The following ZC3H12B variants were observed in gnomAD, a reference collection of about 807,000 sequenced individuals.
ZC3H12B encodes probable ribonuclease ZC3H12B.
A neutral mutation model predicts 43.9 loss-of-function variants in ZC3H12B; 7 were observed. The observed-to-expected ratio is 0.16, with a 90% confidence interval of 0.09 to 0.30. The LOEUF is 0.30. Among genes scored for constraint, ZC3H12B ranks in the 10% least tolerant of loss-of-function variants. The probability of loss-of-function intolerance (pLI) is 1.00; values close to 1 mark genes in which losing one functional copy is unlikely to be tolerated. For synonymous variants in ZC3H12B, 222 were observed against 241.7 expected, an observed-to-expected ratio of 0.92 and a Z score of 0.76; for missense variants, 475 against 670.2, an observed-to-expected ratio of 0.71 and a Z score of 3.22.
upstream of ZC3H12B, chrX:65,488,706 C>T (rs182360477): frequency 1.8e-4 from 183 of 1,039,337 alleles, no homozygotes; most frequent in Admixed American, 2.3e-4. Flanking sequence ...ATCGCTACCA[C>T]GACATTTTAC....
chrX:65,449,363 A>C (rs1401222845), intron 3 of ZC3H12B, among the ~76,000 whole-genome samples: 1 of 111,907 alleles, frequency 8.9e-6, no homozygotes, highest in East Asian at 2.8e-4. Flanking sequence ...TCACGCCTGT[A>C]ATCCTAGCAC....
At chrX:65,103,341 C>T in the ZC3H12B span, among the ~76,000 whole-genome samples, 3 of 112,078 alleles carry the variant, frequency 2.7e-5, no homozygotes, top group Non-Finnish European at 3.8e-5. Flanking sequence ...GGCTCTCAGG[C>T]AGTCAGACCT....
chrX:65,342,101 C>G, the ZC3H12B span, among the ~76,000 whole-genome samples: 24 of 111,253 alleles, frequency 2.2e-4, no homozygotes, highest in African/African-American at 6.2e-4. Context: ...CAGAAAAAAA[C>G]AGGAGTTGCA....
chrX:65,503,943 C>T (rs1266078433), exon 5 of ZC3H12B: 2 of 111,982 alleles, frequency 1.8e-5, no homozygotes, highest in Non-Finnish European at 3.8e-5. Context: ...GTCACATATT[C>T]TATATTACAA....
At chrX:65,202,073 TTAC>T in the ZC3H12B span, among the ~76,000 whole-genome samples, 1 of 89,400 alleles carries the variant, frequency 1.1e-5, no homozygotes, top group Admixed American at 1.5e-4. Context: ...AATATATATA[TTAC>T]ATATAATATA....
the ZC3H12B span, among the ~76,000 whole-genome samples, chrX:65,125,322 G>A: frequency 9.0e-6 from 1 of 111,517 alleles, no homozygotes; most frequent in Non-Finnish European, 1.9e-5. Flanking sequence ...TTTTGGAGTT[G>A]ATTTTCAATT....
chrX:65,131,805 G>A, the ZC3H12B span, among the ~76,000 whole-genome samples: 71 of 111,718 alleles, frequency 6.4e-4, no homozygotes, highest in Non-Finnish European at 6.6e-4. Flanking sequence ...AACGGATGGA[G>A]AAGAAATTTG....
the ZC3H12B span, among the ~76,000 whole-genome samples, chrX:65,260,237 G>A: frequency 6.8e-4 from 75 of 110,468 alleles, no homozygotes; most frequent in African/African-American, 2.4e-3. Flanking sequence ...AAATTTTTAA[G>A]CAGTAGCATT....
chrX:65,372,722 T>A (rs1314889143), intron 2 of ZC3H12B, among the ~76,000 whole-genome samples: 3 of 112,117 alleles, frequency 2.7e-5, no homozygotes, highest in Non-Finnish European at 3.8e-5. Context: ...GTAAGGATTG[T>A]TATCCACATT....
chrX:65,096,451 G>A, the ZC3H12B span, among the ~76,000 whole-genome samples: 3 of 111,999 alleles, frequency 2.7e-5, no homozygotes, highest in Non-Finnish European at 3.8e-5. Context: ...GAATAGATTA[G>A]TAATGTAAGC....
chrX:65,358,173 A>G, the ZC3H12B span, among the ~76,000 whole-genome samples: 1 of 111,687 alleles, frequency 9.0e-6, no homozygotes, highest in Non-Finnish European at 1.9e-5. Flanking sequence ...TGCACCCAAT[A>G]CAAGAGTACC....
chrX:65,134,497 T>C, the ZC3H12B span, among the ~76,000 whole-genome samples: 2 of 111,077 alleles, frequency 1.8e-5, no homozygotes, highest in African/African-American at 6.6e-5. Context: ...GACAGGGAGA[T>C]TGAAGGGTAG....
the ZC3H12B span, among the ~76,000 whole-genome samples, chrX:65,171,801 A>G: frequency 2.7e-5 from 3 of 111,291 alleles, no homozygotes; most frequent in Non-Finnish European, 3.8e-5. Context: ...CTGCTGTGCT[A>G]GCAACGAGTG....
At chrX:65,190,878 G>C in the ZC3H12B span, among the ~76,000 whole-genome samples, 1 of 105,945 alleles carries the variant, frequency 9.4e-6, no homozygotes, top group Non-Finnish European at 1.9e-5. Flanking sequence ...TCTTGTGCCA[G>C]TTTTCAAAGG....
Position 65,507,012 on chromosome X carries a change from T to C in ZC3H12B, c.*3803T>C, listed in dbSNP as rs1203432263. 4.5e-5 allele frequency: 5 copies of C among 111,538 alleles called. No individual in the cohort carries two copies. In the Admixed American group the frequency reaches 4.8e-4, roughly 11 times the overall value. 9.2% of individuals were successfully genotyped at this position (111,538 alleles called of 1,213,427 possible). ...TTTCCAGGAGAATACTTCTCTAAAA[T>C]TCATTTTTTTCTATTTTGGAATAAA... On this transcript the variant is annotated 3_prime_UTR_variant, in exon 5 of 5. Transcript: ENST00000338957.
At chrX:65,331,687 G>T in the ZC3H12B span, among the ~76,000 whole-genome samples, 4 of 110,629 alleles carry the variant, frequency 3.6e-5, no homozygotes, top group African/African-American at 1.3e-4. Flanking sequence ...TTCAACTGAA[G>T]ATATTTATTA....
chrX:65,499,045 C>T (rs2068329288), exon 3 of ZC3H12B: 2 of 1,209,314 alleles, frequency 1.7e-6, no homozygotes, highest in South Asian at 1.8e-5. Context: ...TTCTTGTCTT[C>T]ACACCATCCC....
the ZC3H12B span, among the ~76,000 whole-genome samples, chrX:65,066,742 T>A: frequency 8.9e-6 from 1 of 111,906 alleles, no homozygotes; most frequent in African/African-American, 3.2e-5. Flanking sequence ...TGCACCCACT[T>A]GCTCCTTCCC....
At chrX:65,453,131 G>A (rs1418511864) in intron 3 of ZC3H12B, among the ~76,000 whole-genome samples, 2 of 107,277 alleles carry the variant, frequency 1.9e-5, no homozygotes, top group African/African-American at 3.4e-5. Flanking sequence ...CACCAAAACA[G>A]CATGGTACTG....
Sources: gnomAD v4.1 joint callset for allele counts (sites outside exome capture counted in the v4.1 genomes callset) on GRCh38, gnomAD v4.1.1 for gene constraint, MANE v1.5 for transcripts, NCBI Gene and HGNC (gene_info 2026-07-23, HGNC 2026-07-21) for gene names.